CCDC171: variants seen among roughly 807,000 people sequenced by gnomAD.
CCDC171 encodes the protein coiled-coil domain containing 171.
Under a neutral mutation model 168.2 loss-of-function variants are expected in CCDC171, and 177 were observed. The ratio of observed to expected loss-of-function variants is 1.05; its 90% CI spans 0.93 to 1.19. CCDC171 has a LOEUF of 1.19. Ranked by LOEUF, CCDC171 falls within the 50% of genes most tolerant of loss-of-function variation. The pLI is 0.00. For synonymous variants in CCDC171, 687 were observed against 540.8 expected, an observed-to-expected ratio of 1.27 and a Z score of -3.75; for missense variants, 1,991 against 1,539.0, an observed-to-expected ratio of 1.29 and a Z score of -4.91.
chr9:15,831,664 A>T (rs2060239277), intron 21 of CCDC171, among the ~76,000 whole-genome samples: 1 of 152,134 alleles, frequency 6.6e-6, no homozygotes, highest in African/African-American at 2.4e-5. Context: ...GTTAGTTTTG[A>T]GCTTTAACTT....
the CCDC171 span, among the ~76,000 whole-genome samples, chr9:16,087,946 A>T: frequency 6.6e-5 from 10 of 152,210 alleles, no homozygotes; most frequent in Non-Finnish European, 1.3e-4. Context: ...TTCTTTGCTT[A>T]TGAAGCTTAG....
At chr9:16,103,147 C>A in the CCDC171 span, among the ~76,000 whole-genome samples, 8 of 152,218 alleles carry the variant, frequency 5.3e-5, no homozygotes, top group Non-Finnish European at 2.9e-5. Flanking sequence ...ATGGCCCCTT[C>A]CATCCAAAGA....
At chr9:15,967,188 C>T (rs908878506) in intron 25 of CCDC171, among the ~76,000 whole-genome samples, 4 of 152,132 alleles carry the variant, frequency 2.6e-5, no homozygotes, top group African/African-American at 7.2e-5. Context: ...TATTGAGACT[C>T]TGGTAAGAGC....
downstream of CCDC171, among the ~76,000 whole-genome samples, chr9:15,975,014 C>T (rs535428540): frequency 6.6e-6 from 1 of 152,210 alleles, no homozygotes; most frequent in Non-Finnish European, 1.5e-5. Context: ...AGTGATCCTC[C>T]CACCTCAGCC....
At chr9:15,840,629 G>C (rs1199736214) in intron 21 of CCDC171, among the ~76,000 whole-genome samples, 3 of 152,058 alleles carry the variant, frequency 2.0e-5, no homozygotes, top group Admixed American at 6.6e-5. Flanking sequence ...GCCAAACTCA[G>C]TTTGCTTTAT....
intron 11 of CCDC171, among the ~76,000 whole-genome samples, chr9:15,716,879 C>T (rs2053123975): frequency 2.0e-5 from 3 of 152,272 alleles, no homozygotes; most frequent in South Asian, 4.1e-4. Flanking sequence ...AAGTTTCCAA[C>T]ACGTGAACTT....
At chr9:15,721,448 A>G (rs549375863) in intron 11 of CCDC171, among the ~76,000 whole-genome samples, 4 of 151,800 alleles carry the variant, frequency 2.6e-5, no homozygotes, top group South Asian at 2.1e-4. Context: ...ACATGAAAAC[A>G]AAAACAAAAA....
intron 6 of CCDC171, among the ~76,000 whole-genome samples, chr9:15,610,444 TAAAAAAAAAAAAA>T (rs754593075): frequency 0.024 from 304 of 12,714 alleles, 6 homozygotes; most frequent in African/African-American, 0.063. Flanking sequence ...CCATCTCAAC[TAAAAAAAAAAAAA>T]AAAAAAAAAA....
intron 7 of CCDC171, among the ~76,000 whole-genome samples, chr9:15,642,219 C>A (rs1456075753): frequency 1.3e-5 from 2 of 150,496 alleles, no homozygotes; most frequent in Non-Finnish European, 3.0e-5. Flanking sequence ...AGTGTAATAC[C>A]TGTATTATAG....
In CCDC171 at chr9:15,988,011, T is replaced by C. The variant is rs922857968; in HGVS notation, n.369-32578T>C. On this transcript the variant is annotated intron_variant and non_coding_transcript_variant, in intron 3 of 9. Transcript: ENST00000486641. Reference sequence around the variant, plus strand: ...GGTTGTTTGGTATAACCTTCATTCCTGACTCTGAATTTATATGCCAGCAGT... The same window carrying C: ...GGTTGTTTGGTATAACCTTCATTCCCGACTCTGAATTTATATGCCAGCAGT... Among the ~76,000 whole-genome samples, 108 of 152,244 alleles carry C rather than the reference T, an allele frequency of 7.1e-4. 1 individual carries two copies. Among genetic ancestry groups the C allele is most frequent in the African/African-American group, 2.4e-3 (99 of 41,470 alleles).
At chr9:15,927,391 A>C (rs1477017362) in intron 25 of CCDC171, among the ~76,000 whole-genome samples, 1 of 151,692 alleles carries the variant, frequency 6.6e-6, no homozygotes, top group East Asian at 1.9e-4. Flanking sequence ...GGGTGTTTGG[A>C]GACCAGCACA....
intron 3 of CCDC171, among the ~76,000 whole-genome samples, chr9:15,996,039 G>C (rs995384933): frequency 2.6e-5 from 4 of 152,166 alleles, no homozygotes; most frequent in Non-Finnish European, 4.4e-5. Flanking sequence ...CCAACACCGT[G>C]CTCTTCTGTA....
chr9:16,055,421 T>C (rs1012979221), intron 1 of CCDC171, among the ~76,000 whole-genome samples: 3 of 151,922 alleles, frequency 2.0e-5, no homozygotes, highest in Non-Finnish European at 4.4e-5. Context: ...TTGACACTCA[T>C]GTGAAGAGGA....
chr9:15,704,219 A>G (rs554395559), intron 11 of CCDC171, among the ~76,000 whole-genome samples: 1 of 152,298 alleles, frequency 6.6e-6, no homozygotes, highest in East Asian at 1.9e-4. Context: ...CATTCTTAGA[A>G]TTTGTAACAA....
the CCDC171 span, among the ~76,000 whole-genome samples, chr9:16,068,370 T>C: frequency 4.6e-5 from 7 of 151,978 alleles, no homozygotes; most frequent in Non-Finnish European, 1.0e-4. Context: ...ATCGTGAAAA[T>C]GGCCATACTG....
At chr9:15,951,421 G>A (rs1261166864) in intron 25 of CCDC171, among the ~76,000 whole-genome samples, 1 of 152,112 alleles carries the variant, frequency 6.6e-6, no homozygotes, top group Non-Finnish European at 1.5e-5. Flanking sequence ...TTTCTACACT[G>A]TTGTACTATT....
intron 24 of CCDC171, among the ~76,000 whole-genome samples, chr9:15,902,774 C>G (rs1200160888): frequency 2.0e-5 from 3 of 152,186 alleles, no homozygotes; most frequent in African/African-American, 7.2e-5. Flanking sequence ...AGGGAATTCC[C>G]TTTCCTAGTC....
chr9:15,998,403 C>T (rs1293374634), intron 3 of CCDC171, among the ~76,000 whole-genome samples: 1 of 152,112 alleles, frequency 6.6e-6, no homozygotes, highest in Non-Finnish European at 1.5e-5. Flanking sequence ...AAGTGGATCT[C>T]CTAGTCAGAT....
At chr9:15,739,429 C>T (rs2054704312) in intron 16 of CCDC171, among the ~76,000 whole-genome samples, 1 of 151,974 alleles carries the variant, frequency 6.6e-6, no homozygotes, top group Admixed American at 6.6e-5. Context: ...AACCTTAGTT[C>T]AGTAAAGACA....
Sources: allele counts gnomAD v4.1 joint callset (sites outside exome capture counted in the v4.1 genomes callset), GRCh38; gene constraint gnomAD v4.1.1; transcripts MANE v1.5; gene names NCBI Gene and HGNC (gene_info 2026-07-23, HGNC 2026-07-21).